The following OSBPL10 variants were observed in gnomAD, a reference collection of about 807,000 sequenced individuals.
The protein encoded by OSBPL10 is oxysterol-binding protein-related protein 10.
A neutral mutation model predicts 81.7 loss-of-function variants in OSBPL10; 49 were observed. The ratio of observed to expected loss-of-function variants is 0.60; its 90% CI spans 0.48 to 0.76. The LOEUF is 0.76. Among genes scored for constraint, OSBPL10 ranks in the 30% least tolerant of loss-of-function variants. The pLI is 0.00. For synonymous variants in OSBPL10, 419 were observed against 383.6 expected, an observed-to-expected ratio of 1.09 and a Z score of -1.08; for missense variants, 923 against 987.8, an observed-to-expected ratio of 0.93 and a Z score of 0.88.
intron 1 of OSBPL10, among the ~76,000 whole-genome samples, chr3:31,912,622 A>C (rs1398052080): frequency 6.6e-6 from 1 of 152,188 alleles, no homozygotes. Context: ...GAAGCCTTGA[A>C]GTATTTTGAG....
intron 1 of OSBPL10, among the ~76,000 whole-genome samples, chr3:32,046,965 A>T (rs990389640): frequency 6.6e-6 from 1 of 152,150 alleles, no homozygotes; most frequent in African/African-American, 2.4e-5. Context: ...CTCAAGAAAG[A>T]ATTCTGGGTA....
intron 1 of OSBPL10, among the ~76,000 whole-genome samples, chr3:31,970,589 A>C (rs1698530533): frequency 6.6e-6 from 1 of 152,220 alleles, no homozygotes; most frequent in Admixed American, 6.5e-5. Context: ...ATCCAGCTAA[A>C]AACTGGGGTC....
chr3:32,056,627 AAG>A (rs2125438399), intron 1 of OSBPL10, among the ~76,000 whole-genome samples: 1 of 152,330 alleles, frequency 6.6e-6, no homozygotes, highest in East Asian at 1.9e-4. Context: ...CCCTGAATAC[AAG>A]AGACCCTGAT....
At chr3:31,911,485 A>AT (rs1482969267) in intron 1 of OSBPL10, among the ~76,000 whole-genome samples, 24 of 152,098 alleles carry the variant, frequency 1.6e-4, no homozygotes, top group Admixed American at 1.6e-3. Flanking sequence ...GCTTGGGGTA[A>AT]TACCTTCAAC....
chr3:32,013,669 A>G (rs1699282622), intron 2 of OSBPL10, among the ~76,000 whole-genome samples: 1 of 152,236 alleles, frequency 6.6e-6, no homozygotes, highest in Non-Finnish European at 1.5e-5. Flanking sequence ...GGTTTTTTGA[A>G]AAGATCAACA....
chr3:31,668,402 A>C (rs1476480996), intron 10 of OSBPL10, among the ~76,000 whole-genome samples: 1 of 152,236 alleles, frequency 6.6e-6, no homozygotes, highest in Non-Finnish European at 1.5e-5. Flanking sequence ...TTTGTAAGAC[A>C]AGCAGTGAAG....
rs558909053 is a variant in OSBPL10, at chr3:32,075,343, T to G, written n.185+2053A>C. On this transcript the variant is annotated intron_variant and non_coding_transcript_variant, in intron 1 of 3. Transcript: ENST00000479173. ...CTGGTATATGACAACATAAAAAAAC[T>G]CAAGGATAGAGCCCAAAAACTCACC... 3.3e-5 allele frequency among the ~76,000 whole-genome samples: 5 copies of G among 152,254 alleles called. No homozygotes were observed. In the South Asian group the frequency reaches 1.0e-3, roughly 32 times the overall value.
chr3:31,992,079 G>C (rs1035346725), intron 2 of OSBPL10, among the ~76,000 whole-genome samples: 82 of 150,464 alleles, frequency 5.4e-4, no homozygotes, highest in African/African-American at 2.0e-3. Flanking sequence ...CTGGGAGGCA[G>C]AGGTCGCAGT....
intron 7 of OSBPL10, among the ~76,000 whole-genome samples, chr3:31,686,387 T>G (rs1320280683): frequency 6.6e-6 from 1 of 152,168 alleles, no homozygotes; most frequent in African/African-American, 2.4e-5. Flanking sequence ...GCTTGGTAGA[T>G]CTCCTTTAAT....
intron 4 of OSBPL10, among the ~76,000 whole-genome samples, chr3:31,812,728 AAGAAAGAAAGAAAGAAAGAAAGAAAG>A (rs1699720205): frequency 5.7e-5 from 1 of 17,684 alleles, no homozygotes; most frequent in African/African-American, 3.2e-4. Flanking sequence ...AAAAGAAAGA[AAGAAAGAAAGAAAGAAAGAAAGAAAG>A]AAAGAAAGAA....
chr3:31,936,338 A>T (rs926239908), intron 1 of OSBPL10, among the ~76,000 whole-genome samples: 1 of 152,206 alleles, frequency 6.6e-6, no homozygotes, highest in African/African-American at 2.4e-5. Flanking sequence ...TTTTGTATTC[A>T]ATCTGTACAA....
chr3:31,707,956 G>A (rs1696126156), intron 6 of OSBPL10, among the ~76,000 whole-genome samples: 1 of 152,100 alleles, frequency 6.6e-6, no homozygotes, highest in Non-Finnish European at 1.5e-5. Context: ...GAGATTGGAA[G>A]AGTAGGCAAG....
At chr3:31,875,057 A>T (rs1255058330) in intron 3 of OSBPL10, among the ~76,000 whole-genome samples, 28 of 151,130 alleles carry the variant, frequency 1.9e-4, no homozygotes, top group African/African-American at 6.3e-4. Context: ...TGCCTAATAC[A>T]AAAAGATCTC....
chr3:31,674,364 G>A (rs769109447), intron 8 of OSBPL10, among the ~76,000 whole-genome samples: 36 of 151,812 alleles, frequency 2.4e-4, no homozygotes, highest in African/African-American at 5.3e-4. Context: ...GACCAGCCTG[G>A]GCAACATGAC....
intron 1 of OSBPL10, among the ~76,000 whole-genome samples, chr3:31,956,298 G>A (rs1180986220): frequency 2.0e-5 from 3 of 152,234 alleles, no homozygotes; most frequent in African/African-American, 7.2e-5. Context: ...GACAAGGAGA[G>A]TTGAGGGGAC....
chr3:31,820,830 C>T (rs1368431870), intron 4 of OSBPL10, among the ~76,000 whole-genome samples: 4 of 152,050 alleles, frequency 2.6e-5, no homozygotes, highest in Non-Finnish European at 5.9e-5. Flanking sequence ...GCTTTTTAAA[C>T]CTAATCTATA....
At chr3:31,747,052 G>A (rs1697548546) in intron 5 of OSBPL10, among the ~76,000 whole-genome samples, 1 of 151,984 alleles carries the variant, frequency 6.6e-6, no homozygotes, top group African/African-American at 2.4e-5. Flanking sequence ...ATAAGAAGTG[G>A]GGCCAGGCAC....
At chr3:31,664,318 C>A in intron 10 of OSBPL10, 86 bp from the exon 11 acceptor site, 1 of 1,422,894 alleles carries the variant, frequency 7.0e-7, no homozygotes. Context: ...GCCAGAGCAG[C>A]GAGGGGCCGC....
At chr3:31,981,749 C>A (rs1191205858), upstream of OSBPL10, 2 of 152,430 alleles carry the variant, frequency 1.3e-5, no homozygotes, top group African/African-American at 2.4e-5. This position sits in a 1 kb window ranked among gnomAD's most constrained non-coding sequence, Gnocchi z 4.5. Context: ...CAGGCTCACA[C>A]GCACACTCCC....
Sources: gnomAD v4.1 joint callset for allele counts (sites outside exome capture counted in the v4.1 genomes callset) on GRCh38, gnomAD v4.1.1 for gene constraint, Gnocchi (gnomAD v3.1) non-coding constraint, MANE v1.5 for transcripts, NCBI Gene and HGNC (gene_info 2026-07-23, HGNC 2026-07-21) for gene names.